The following HIP1 variants were observed in gnomAD, a reference collection of about 807,000 sequenced individuals.
HIP1 encodes huntingtin interacting protein 1, also known as huntingtin-interacting protein 1.
HIP1 carries 65 observed loss-of-function variants against 147.6 expected under a neutral mutation model. The observed-to-expected ratio is 0.44, with a 90% CI of 0.36 to 0.54. The LOEUF (loss-of-function observed/expected upper bound fraction) is 0.54. Ranked by LOEUF, HIP1 falls within the 20% of genes least tolerant of loss-of-function variation. HIP1 has a pLI of 0.00. For synonymous variants in HIP1, 479 were observed against 504.0 expected, an observed-to-expected ratio of 0.95 and a Z score of 0.67; for missense variants, 1,061 against 1,299.6, an observed-to-expected ratio of 0.82 and a Z score of 2.82.
At chr7:75,636,367 A>C (rs868923236) in intron 1 of HIP1, among the ~76,000 whole-genome samples, 34 of 150,830 alleles carry the variant, frequency 2.3e-4, no homozygotes, top group African/African-American at 7.3e-4. Flanking sequence ...AAAAAAAAAA[A>C]TCACGCAGAA....
In HIP1 at chr7:75,557,671, C is replaced by T. The variant is rs782199766; in HGVS notation, c.1564G>A (p.Asp522Asn). ...CCACTCACCTTCCGCTGGCCCTGGT[C>T]ACTGATGCGCTCCAACGAATCCTCC... Reference protein sequence around the residue: ...ELEDSLERISDQGQRKTQEQL... With the variant: ...ELEDSLERISNQGQRKTQEQL... The change falls in exon 16 of 31, where the codon GAC becomes AAC. Residue 522 changes from aspartate to asparagine, a missense_variant. Asp to Asn is a conservative substitution (Grantham distance 23). Around this residue, in one of 3 missense-constraint regions of HIP1, gnomAD observed 810 missense variants for 946.8 expected, o/e 0.86. Transcript: ENST00000336926. 6.8e-6 allele frequency: 11 copies of T among 1,613,734 alleles called. No homozygotes were observed. In the East Asian group the frequency reaches 2.5e-4, roughly 36 times the overall value.
intron 2 of HIP1, among the ~76,000 whole-genome samples, chr7:75,595,232 CTT>C (rs1563230160): frequency 9.0e-6 from 1 of 110,974 alleles, no homozygotes; most frequent in African/African-American, 4.2e-5. Context: ...TTCTTTCTTT[CTT>C]TCTTTCTTTC....
chr7:75,720,152 T>G (rs1421631137), intron 1 of HIP1, among the ~76,000 whole-genome samples: 1 of 152,040 alleles, frequency 6.6e-6, no homozygotes, highest in African/African-American at 2.4e-5. Flanking sequence ...TTTGTTTTGT[T>G]TTTGTTTGTT....
intron 8 of HIP1, among the ~76,000 whole-genome samples, chr7:75,569,964 C>T (rs1025359804): frequency 1.3e-5 from 2 of 150,064 alleles, no homozygotes; most frequent in Non-Finnish European, 3.0e-5. Context: ...GAGACAGAAT[C>T]TCACTCTGTT....
At chr7:75,601,720 T>C (rs1796982992) in intron 1 of HIP1, among the ~76,000 whole-genome samples, 2 of 152,168 alleles carry the variant, frequency 1.3e-5, no homozygotes, top group South Asian at 2.1e-4. Context: ...AGGCTGCTTC[T>C]GCATTACAAA....
intron 1 of HIP1, among the ~76,000 whole-genome samples, chr7:75,718,241 C>T (rs545316129): frequency 3.9e-5 from 6 of 152,084 alleles, no homozygotes; most frequent in Non-Finnish European, 8.8e-5. Context: ...CCTGTAGTCC[C>T]AGCTATGTGG....
At chr7:75,551,824 C>G (rs1794795009) in intron 22 of HIP1, among the ~76,000 whole-genome samples, 1 of 152,168 alleles carries the variant, frequency 6.6e-6, no homozygotes, top group African/African-American at 2.4e-5. Context: ...CCCACCTTGG[C>G]TGGATGTGGT....
intron 1 of HIP1, chr7:75,626,118 GT>G (rs1798026474): frequency 6.6e-6 from 1 of 152,096 alleles, no homozygotes; most frequent in South Asian, 2.1e-4. Flanking sequence ...AGCTTCTATT[GT>G]TTATAGACCC....
intron 5 of HIP1, among the ~76,000 whole-genome samples, chr7:75,586,168 C>CA (rs1796268312): frequency 6.6e-6 from 1 of 151,638 alleles, no homozygotes; most frequent in Non-Finnish European, 1.5e-5. Flanking sequence ...TTTCATAAGG[C>CA]AATATAGTGC....
chr7:75,732,086 T>C (rs894150316), intron 1 of HIP1, among the ~76,000 whole-genome samples: 1 of 151,916 alleles, frequency 6.6e-6, no homozygotes, highest in South Asian at 2.1e-4. Context: ...AACGTAAACA[T>C]GAAAAAAAGG....
rs1009521813 is a variant in HIP1 at position 75,582,255 on chromosome 7, C to T, written c.466-104G>A. On this transcript the variant is annotated intron_variant, in intron 5 of 30. Transcript: ENST00000336926. ...CTGTGGTCCCAGCTACTTGGGAGGC[C>T]GAGGTGGGAGGATTGCTTGAGCCCG... is the stretch of plus-strand genomic sequence containing the variant. The T allele has an allele frequency of 7.9e-5, 66 of 830,382 alleles. No individual in the cohort carries two copies. In the African/African-American group the frequency reaches 8.8e-4, roughly 11 times the overall value. 51.4% of individuals were successfully genotyped at this position (830,382 alleles called of 1,614,324 possible).
rs587611518 is a variant in HIP1 at position 75,541,269 on chromosome 7, G to A, written c.2952+650C>T. Among the ~76,000 whole-genome samples, 31 of 152,224 alleles carry A rather than the reference G, an allele frequency of 2.0e-4. No individual in the cohort carries two copies. The East Asian group carries it at 4.8e-3, about 24-fold the overall frequency. Reference sequence around the variant, plus strand: ...ATTAAGGCTGGGCACGGTGGCTCACGCTTGTAATCCCAGCAGTTTGGGAGG... The same window carrying A: ...ATTAAGGCTGGGCACGGTGGCTCACACTTGTAATCCCAGCAGTTTGGGAGG... On this transcript the variant is annotated intron_variant, in intron 29 of 30. Coordinates refer to ENST00000336926, the MANE Select transcript of HIP1 (RefSeq NM_005338.7).
chr7:75,553,674 C>A (rs1347466690), intron 21 of HIP1, 85 bp from the exon 22 acceptor site: 8 of 1,275,790 alleles, frequency 6.3e-6, no homozygotes, highest in African/African-American at 1.5e-5. Context: ...GGCGCCATCT[C>A]GGCTCACTGC....
intron 1 of HIP1, among the ~76,000 whole-genome samples, chr7:75,719,648 T>A (rs1288393613): frequency 6.6e-6 from 1 of 152,158 alleles, no homozygotes. Context: ...GTCGAACTCC[T>A]GGGCTCAAGT....
chr7:75,572,392 C>T (rs190550459), intron 8 of HIP1, among the ~76,000 whole-genome samples: 6 of 152,250 alleles, frequency 3.9e-5, no homozygotes, highest in Admixed American at 1.3e-4. Context: ...ATTCCATTTG[C>T]ACAAAGGGAT....
chr7:75,667,812 C>A (rs1554514753), intron 1 of HIP1, among the ~76,000 whole-genome samples: 8 of 152,150 alleles, frequency 5.3e-5, no homozygotes, highest in Admixed American at 3.9e-4. Flanking sequence ...TTAATTCTAC[C>A]TTTTACTTAT....
At chr7:75,689,885 T>C (rs1185314264) in intron 1 of HIP1, among the ~76,000 whole-genome samples, 2 of 152,126 alleles carry the variant, frequency 1.3e-5, no homozygotes, top group Non-Finnish European at 2.9e-5. Context: ...ACCTTGTAAA[T>C]AGTGTCATCG....
intron 1 of HIP1, among the ~76,000 whole-genome samples, chr7:75,640,065 G>A (rs1004696263): frequency 7.2e-5 from 11 of 152,184 alleles, no homozygotes; most frequent in Non-Finnish European, 1.5e-5. Flanking sequence ...GAAATGCAAG[G>A]CAGACATTCC....
intron 4 of HIP1, among the ~76,000 whole-genome samples, chr7:75,589,339 G>A (rs190534244): frequency 3.3e-5 from 5 of 151,974 alleles, no homozygotes; most frequent in South Asian, 2.1e-4. Context: ...CTGAAAGAGT[G>A]GTTTAGAGAC....
Sources: gnomAD v4.1 joint callset for allele counts (sites outside exome capture counted in the v4.1 genomes callset) on GRCh38, gnomAD v4.1.1 for gene constraint, gnomAD v4.1.1 regional missense constraint, MANE v1.5 for transcripts, NCBI Gene and HGNC (gene_info 2026-07-23, HGNC 2026-07-21) for gene names.